Variants in CCN4 observed in about 807,000 individuals in gnomAD.
CCN4 encodes the protein cellular communication network factor 4.
CCN4 carries 30 observed loss-of-function variants against 36.7 expected under a neutral mutation model. That is an observed-to-expected ratio of 0.82 (90% confidence interval 0.61 to 1.11). The LOEUF (loss-of-function observed/expected upper bound fraction) is 1.11, where lower values mean the gene tolerates loss of function less well. CCN4 is among the 50% of genes least tolerant of loss of function. CCN4 has a pLI of 0.00. For synonymous variants in CCN4, 191 were observed against 195.4 expected (o/e 0.98, Z 0.19); for missense variants, 505 against 504.9 (o/e 1.00, Z 0.00).
At chr8:133,194,559 GGGGTGGTGGTATGGAGGGGTGTGT>G (rs1853267640) in intron 1 of CCN4, among the ~76,000 whole-genome samples, 1 of 104,044 alleles carries the variant, frequency 9.6e-6, no homozygotes, top group Non-Finnish European at 2.0e-5. Context: ...TGTGTGTGGG[GGGGTGGTGGTATGGAGGGGTGTGT>G]GGGGTGTGTG....
At position 133,227,795 on chromosome 8, in the gene CCN4, G is replaced by C; in HGVS notation, c.*85G>C. 6.9e-7 allele frequency: 1 copy of C among 1,452,266 alleles called. No individual in the cohort carries two copies. 90.0% of individuals were successfully genotyped at this position (1,452,266 alleles called of 1,614,324 possible). A position where few individuals can be genotyped will look rare whatever the true frequency, so the allele number is the denominator to read the frequency against. On this transcript the variant is annotated 3_prime_UTR_variant, in exon 5 of 5. Transcript: ENST00000250160. ...ATGGCCAATAACTTTTCACCAATGAGCCTTAGTTACCCTGATCTGGACCCT... is the reference window on the plus strand; with the variant it reads ...ATGGCCAATAACTTTTCACCAATGACCCTTAGTTACCCTGATCTGGACCCT...
At position 133,212,521 on chromosome 8, in the gene CCN4, C is replaced by G. The variant is rs565215939; in HGVS notation, c.70-343C>G. On this transcript the variant is annotated intron_variant, in intron 1 of 4. Coordinates refer to ENST00000250160, the MANE Select transcript of CCN4 (RefSeq NM_003882.4). ...GCCAGCTTCCACCTGCTCAGGGCCT[C>G]GGCTTTCTCCCTGTAAAGTGAGGCC... Among the ~76,000 whole-genome samples the G allele has an allele frequency of 2.0e-5, 3 of 152,042 alleles. No individual in the cohort carries two copies. The East Asian group carries it at 5.8e-4, about 30-fold the overall frequency.
chr8:133,192,016 G>A (rs1475922840), intron 1 of CCN4, among the ~76,000 whole-genome samples: 9 of 152,038 alleles, frequency 5.9e-5, no homozygotes, highest in Admixed American at 5.9e-4. Flanking sequence ...CAGGCATGGT[G>A]AGGAAAAGGC....
rs576745270 is a variant in CCN4, at chr8:133,225,438, C to T, written c.659C>T (p.Thr220Ile). 5 of 1,613,764 alleles carry T rather than the reference C, an allele frequency of 3.1e-6. No individual in the cohort carries two copies. In the African/African-American group the frequency reaches 5.3e-5, roughly 17 times the overall value. Residue 220 changes from threonine to isoleucine, a missense_variant, in exon 4 of 5, where the codon ACA becomes ATA. Transcript: ENST00000250160. ...TGGCACAGGAACTGCATAGCCTACA[C>T]AAGCCCCTGGAGCCCTTGCTCCACC... ...EAWHRNCIAY[T>I]SPWSPCSTSC...
chr8:133,214,475 T>C (rs1161603458), intron 2 of CCN4, among the ~76,000 whole-genome samples: 1 of 152,114 alleles, frequency 6.6e-6, no homozygotes, highest in Non-Finnish European at 1.5e-5. Context: ...TCTTTATTCT[T>C]GGTGTATTCT....
chr8:133,212,617 T>C (rs1854094424), intron 1 of CCN4, among the ~76,000 whole-genome samples: 2 of 152,174 alleles, frequency 1.3e-5, no homozygotes, highest in Non-Finnish European at 2.9e-5. Context: ...AGGTGGAATT[T>C]GGGCCCCACC....
intron 1 of CCN4, among the ~76,000 whole-genome samples, chr8:133,200,220 C>T (rs551671444): frequency 1.3e-5 from 2 of 152,312 alleles, no homozygotes; most frequent in Admixed American, 6.5e-5. Context: ...GTGGAAGGCC[C>T]ACAGTGATCC....
At chr8:133,226,239 C>T (rs1351537543) in intron 4 of CCN4, among the ~76,000 whole-genome samples, 1 of 152,194 alleles carries the variant, frequency 6.6e-6, no homozygotes, top group East Asian at 1.9e-4. Context: ...CCTTTTGTCA[C>T]AGGAAAAACA....
intron 1 of CCN4, among the ~76,000 whole-genome samples, chr8:133,200,220 C>G (rs551671444): frequency 6.6e-6 from 1 of 152,194 alleles, no homozygotes; most frequent in African/African-American, 2.4e-5. Context: ...GTGGAAGGCC[C>G]ACAGTGATCC....
intron 1 of CCN4, among the ~76,000 whole-genome samples, chr8:133,210,396 T>A (rs1315234288): frequency 1.5e-5 from 2 of 130,450 alleles, no homozygotes; most frequent in Non-Finnish European, 1.8e-5. Context: ...GGTGTGTGTG[T>A]GTGTGTGTGT....
intron 2 of CCN4, among the ~76,000 whole-genome samples, chr8:133,216,152 G>A (rs1332769028): frequency 6.6e-6 from 1 of 152,194 alleles, no homozygotes; most frequent in Non-Finnish European, 1.5e-5. Flanking sequence ...AAAGAAGAGA[G>A]TGTGGGGTCT....
At position 133,230,599 on chromosome 8, in the gene CCN4, GATC is replaced by G. The variant is rs1854921794; in HGVS notation, c.*2894_*2896del. On this transcript the variant is annotated 3_prime_UTR_variant, in exon 5 of 5. Transcript: ENST00000250160. Reference sequence around the variant, plus strand: ...CAAGGGGCTTCAAACAGACCAAATAGATCATCACCTCTGTGGTCCCTTGTTAAC... The same window carrying G: ...CAAGGGGCTTCAAACAGACCAAATAGATCACCTCTGTGGTCCCTTGTTAAC... The G allele has an allele frequency of 6.6e-6, 1 of 152,204 alleles. No individual in the cohort carries two copies. Among genetic ancestry groups the G allele is most frequent in the African/African-American group, 2.4e-5 (1 of 41,458 alleles). 9.4% of individuals were successfully genotyped at this position (152,204 alleles called of 1,614,324 possible).
At position 133,191,187 on chromosome 8, in the gene CCN4, G is replaced by C; in HGVS notation, c.43G>C (p.Ala15Pro). ...CTGGACGCTGGCAGCAGTGACAGCAGCAGCCGCCAGCACCGTCCTGGCCAC... is the reference window on the plus strand; with the variant it reads ...CTGGACGCTGGCAGCAGTGACAGCACCAGCCGCCAGCACCGTCCTGGCCAC... ...LPWTLAAVTA[A>P]AASTVLATAL... Residue 15 changes from alanine (A) to proline (P), a missense_variant, in exon 1 of 5, where the codon GCA becomes CCA. Ala to Pro is a conservative substitution (Grantham distance 27). Transcript: ENST00000250160. The C allele has an allele frequency of 6.2e-7, 1 of 1,604,938 alleles. No individual in the cohort carries two copies. The highest frequency in any genetic ancestry group is 8.5e-7 in the Non-Finnish European group (1 of 1,179,474).
At chr8:133,202,846 G>A (rs1853637374) in intron 1 of CCN4, among the ~76,000 whole-genome samples, 1 of 152,238 alleles carries the variant, frequency 6.6e-6, no homozygotes, top group Admixed American at 6.5e-5. Flanking sequence ...CGGAGGTGTT[G>A]GGAAAAGAGG....
At chr8:133,207,994 G>GTTT (rs33983896) in intron 1 of CCN4, among the ~76,000 whole-genome samples, 22 of 141,684 alleles carry the variant, frequency 1.6e-4, no homozygotes, top group Admixed American at 4.9e-4. Context: ...CCTTTCAGCT[G>GTTT]TTTTTTTTTT....
chr8:133,225,862 T>C lies in CCN4; in HGVS notation c.804+279T>C, dbSNP rs183913342. ...CTCAGGAGTGGTCTTCTATAATGATTCTGAGGGATCCTTACCAATTTCCAT... is the reference window on the plus strand; with the variant it reads ...CTCAGGAGTGGTCTTCTATAATGATCCTGAGGGATCCTTACCAATTTCCAT... On this transcript the variant is annotated intron_variant, in intron 4 of 4. Coordinates refer to ENST00000250160, the MANE Select transcript of CCN4 (RefSeq NM_003882.4). 8.5e-4 allele frequency among the ~76,000 whole-genome samples: 130 copies of C among 152,258 alleles called. 2 individuals carry two copies. Among genetic ancestry groups the C allele is most frequent in the Admixed American group, 8.4e-3 (129 of 15,296 alleles).
chr8:133,205,363 TTTTGTC>T (rs1302883020), intron 1 of CCN4, among the ~76,000 whole-genome samples: 1 of 152,206 alleles, frequency 6.6e-6, no homozygotes, highest in African/African-American at 2.4e-5. Context: ...GTTTGTTTGT[TTTTGTC>T]TTTGTCTTTT....
intron 3 of CCN4, among the ~76,000 whole-genome samples, chr8:133,223,366 A>T (rs537350097): frequency 6.6e-6 from 1 of 152,222 alleles, no homozygotes; most frequent in South Asian, 2.1e-4. Context: ...ACCTCCCAAG[A>T]TGCTTGCAGC....
At chr8:133,214,568 C>T (rs186508258) in intron 2 of CCN4, among the ~76,000 whole-genome samples, 318 of 152,098 alleles carry the variant, frequency 2.1e-3, no homozygotes, top group Middle Eastern at 6.8e-3. Context: ...TGCTCCATCA[C>T]GGGTATTCTA....
Sources: gnomAD v4.1 joint callset for allele counts (sites outside exome capture counted in the v4.1 genomes callset) on GRCh38, gnomAD v4.1.1 for gene constraint, MANE v1.5 for transcripts, NCBI Gene and HGNC (gene_info 2026-07-23, HGNC 2026-07-21) for gene names.